Variants in ERBB4 observed in about 807,000 individuals in gnomAD.
The protein encoded by ERBB4 is erb-b2 receptor tyrosine kinase 4.
Under a neutral mutation model 158.0 loss-of-function variants are expected in ERBB4, and 42 were observed. The observed-to-expected ratio is 0.27, with a 90% CI of 0.21 to 0.34. The LOEUF is 0.34. ERBB4 is among the 10% of genes least tolerant of loss of function. The pLI, the probability that ERBB4 is intolerant of heterozygous loss-of-function variation, is 1.00. For missense variants in ERBB4, 1,333 were observed against 1,624.1 expected (o/e 0.82, Z 3.08); for synonymous variants, 583 against 558.7 (o/e 1.04, Z -0.61).
At chr2:211,674,620 G>T (rs1325735276) in intron 13 of ERBB4, among the ~76,000 whole-genome samples, 3 of 152,030 alleles carry the variant, frequency 2.0e-5, no homozygotes, top group African/African-American at 7.2e-5. Context: ...CATAAAGACA[G>T]GTGATCTTTT....
rs1046359760 is a variant in ERBB4 at position 211,457,662 on chromosome 2, T to C, written c.2488-26562A>G. On this transcript the variant is annotated intron_variant, in intron 20 of 27. Coordinates refer to ENST00000342788, the MANE Select transcript of ERBB4 (RefSeq NM_005235.3). The stretch of plus-strand genomic sequence containing the variant: ...GGAGGAAGAACTCTTACATCATGCA[T>C]GCCTAACCCACAAGGTTAAGGATAA... Among the ~76,000 whole-genome samples, 14 of 152,168 alleles carry C rather than the reference T, an allele frequency of 9.2e-5. No homozygotes were observed. The East Asian group carries it at 2.7e-3, about 29-fold the overall frequency.
At chr2:211,698,130 A>G (rs1171690693) in intron 12 of ERBB4, among the ~76,000 whole-genome samples, 1 of 152,038 alleles carries the variant, frequency 6.6e-6, no homozygotes, top group Non-Finnish European at 1.5e-5. Context: ...CAGCCTAACT[A>G]ACATGGAGAA....
chr2:212,465,689 A>C (rs10196652), intron 1 of ERBB4, among the ~76,000 whole-genome samples: 24,805 of 152,028 alleles, frequency 0.16, 2,251 homozygotes, highest in African/African-American at 0.23. Context: ...CTTGCTCCTC[A>C]AAGCTTCATT....
intron 4 of ERBB4, among the ~76,000 whole-genome samples, chr2:211,772,986 G>C (rs1235504398): frequency 3.2e-5 from 4 of 125,394 alleles, no homozygotes; most frequent in Non-Finnish European, 6.5e-5. Context: ...GTCCTACTCT[G>C]TTGCCCAGGT....
At chr2:211,890,338 C>T (rs377028536) in intron 3 of ERBB4, among the ~76,000 whole-genome samples, 7 of 138,146 alleles carry the variant, frequency 5.1e-5, no homozygotes, top group African/African-American at 1.7e-4. Flanking sequence ...TAAAATACTT[C>T]ACAGACAAGC....
rs150301294 is a variant in ERBB4 at position 211,756,674 on chromosome 2, T to A, written c.557-5970A>T. Among the ~76,000 whole-genome samples the A allele has an allele frequency of 4.6e-3, 696 of 152,316 alleles. 1 individual carries two copies. Among genetic ancestry groups the A allele is most frequent in the African/African-American group, 0.016 (662 of 41,572 alleles). On this transcript the variant is annotated intron_variant, in intron 4 of 27. Transcript: ENST00000342788. ...CTTGTGCAAGATGCTGATTTTATAGTCTGGTGAGGTACAGGAATCCCTAGT... is the reference window on the plus strand; with the variant it reads ...CTTGTGCAAGATGCTGATTTTATAGACTGGTGAGGTACAGGAATCCCTAGT...
At position 211,630,641 on chromosome 2, in the gene ERBB4, AG is replaced by A. The variant is rs780569295; in HGVS notation, c.1947-48del. ...AAAAAAATAAAAAGTATGAAGAGAG[AG>A]AAGACAGAGGAAGAGAAAAGAGCAG... On this transcript the variant is annotated intron_variant, in intron 16 of 27. Transcript: ENST00000342788. 472 of 1,528,422 alleles carry A rather than the reference AG, an allele frequency of 3.1e-4. 1 individual carries two copies. The highest frequency in any genetic ancestry group is 4.0e-4 in the Non-Finnish European group (447 of 1,111,450). 94.7% of individuals were successfully genotyped at this position (1,528,422 alleles called of 1,614,324 possible).
intron 4 of ERBB4, among the ~76,000 whole-genome samples, chr2:211,783,066 G>A (rs1433987802): frequency 6.6e-6 from 1 of 152,020 alleles, no homozygotes; most frequent in African/African-American, 2.4e-5. Flanking sequence ...TTGTAGTTCT[G>A]CTTGAAGAGG....
intron 2 of ERBB4, among the ~76,000 whole-genome samples, chr2:212,111,619 C>A (rs183774277): frequency 2.9e-5 from 4 of 136,400 alleles, no homozygotes; most frequent in Non-Finnish European, 4.9e-5. Context: ...ATACCTTCTC[C>A]TTTTTCTCTA....
chr2:212,468,178 C>A (rs544521120), intron 1 of ERBB4, among the ~76,000 whole-genome samples: 11 of 152,166 alleles, frequency 7.2e-5, no homozygotes, highest in Middle Eastern at 3.4e-3. Context: ...TCAGGTGAGA[C>A]GTTGGACTGT....
chr2:212,211,412 A>G (rs1474217825), intron 1 of ERBB4, among the ~76,000 whole-genome samples: 1 of 152,128 alleles, frequency 6.6e-6, no homozygotes, highest in African/African-American at 2.4e-5. Context: ...TGCAATTAAT[A>G]TCAGCCTTCT....
At position 211,951,076 on chromosome 2, in the gene ERBB4, T is replaced by A. The variant is rs839524; in HGVS notation, c.235-3460A>T. Among the ~76,000 whole-genome samples the A allele has an allele frequency of 1.2e-3, 180 of 152,192 alleles. 1 individual carries two copies. The highest frequency in any genetic ancestry group is 4.2e-3 in the African/African-American group (176 of 41,540). On this transcript the variant is annotated intron_variant, in intron 2 of 27. Transcript: ENST00000342788. ...TGATTAGATCACAATGATAAATGTG[T>A]TGATGGAGGGTGTATTATGACTCTT...
chr2:212,001,858 C>A (rs1016067559), intron 2 of ERBB4, among the ~76,000 whole-genome samples: 1 of 152,098 alleles, frequency 6.6e-6, no homozygotes, highest in East Asian at 1.9e-4. Context: ...TACAGCCAGT[C>A]TCAGAAAGAA....
chr2:212,104,079 C>T (rs1221627035), intron 2 of ERBB4, among the ~76,000 whole-genome samples: 2 of 152,038 alleles, frequency 1.3e-5, no homozygotes, highest in African/African-American at 4.8e-5. Context: ...ACTATACCAT[C>T]TCATTATTAA....
chr2:212,216,208 C>T (rs1046388049), intron 1 of ERBB4, among the ~76,000 whole-genome samples: 2 of 151,320 alleles, frequency 1.3e-5, no homozygotes, highest in Non-Finnish European at 3.0e-5. Context: ...TTTCCCTCTC[C>T]TTTTATTGAT....
intron 4 of ERBB4, among the ~76,000 whole-genome samples, chr2:211,775,507 G>C (rs1226066905): frequency 2.6e-5 from 4 of 152,122 alleles, no homozygotes; most frequent in Admixed American, 2.0e-4. Context: ...GCAAGGTTTG[G>C]GGCTAGAGTT....
Position 211,428,400 on chromosome 2 carries a change from T to G in ERBB4, c.2719+8A>C, listed in dbSNP as rs1164140635. 1.3e-6 allele frequency: 2 copies of G among 1,518,080 alleles called. No homozygotes were observed. Among genetic ancestry groups the G allele is most frequent in the South Asian group, 2.3e-5 (2 of 88,882 alleles). The allele number at this position is 1,518,080 out of a possible 1,614,324, so 94.0% of individuals were successfully genotyped here. ...ACAAGCTTTAATTCGCAAAGAAGAT[T>G]TATTTACCATAGCTCCAAACGTCAC... On this transcript the variant is annotated splice_region_variant and intron_variant, in intron 22 of 27. Transcript: ENST00000342788.
At chr2:211,479,829 A>G (rs1365093083) in intron 20 of ERBB4, among the ~76,000 whole-genome samples, 1 of 152,190 alleles carries the variant, frequency 6.6e-6, no homozygotes, top group South Asian at 2.1e-4. Flanking sequence ...TCAAATTACA[A>G]TATGTTATAT....
chr2:212,445,161 C>G (rs893228699), intron 1 of ERBB4, among the ~76,000 whole-genome samples: 3 of 151,968 alleles, frequency 2.0e-5, no homozygotes, highest in African/African-American at 7.3e-5. Context: ...CTTTTGAAGT[C>G]ACAATTACAA....
Sources: gnomAD v4.1 joint callset for allele counts (sites outside exome capture counted in the v4.1 genomes callset) on GRCh38, gnomAD v4.1.1 for gene constraint, MANE v1.5 for transcripts, NCBI Gene and HGNC (gene_info 2026-07-23, HGNC 2026-07-21) for gene names.